Variants in BAHCC1 observed in about 807,000 individuals in gnomAD.
BAHCC1 encodes BAH and coiled-coil domain-containing protein 1.
A neutral mutation model predicts 88.2 loss-of-function variants in BAHCC1; 43 were observed. That is an observed-to-expected ratio of 0.49 (90% confidence interval 0.38 to 0.63). The LOEUF (loss-of-function observed/expected upper bound fraction) is 0.63. BAHCC1 is among the 20% of genes least tolerant of loss of function. The pLI is 0.00. For missense variants in BAHCC1, 3,023 were observed against 1,654.8 expected (o/e 1.83, Z -14.34); for synonymous variants, 1,510 against 745.5 (o/e 2.03, Z -16.71).
In BAHCC1 at chr17:81,427,097, C is replaced by T. The variant is rs952466728; in HGVS notation, c.358+118C>T. 1,784 of 398,294 alleles carry T rather than the reference C, an allele frequency of 4.5e-3. 6 individuals carry two copies. The highest frequency in any genetic ancestry group is 8.3e-3 in the South Asian group (64 of 7,756). The allele number at this position is 398,294 out of a possible 1,614,324, so 24.7% of individuals were successfully genotyped here. A position where few individuals can be genotyped will look rare whatever the true frequency, so the allele number is the denominator to read the frequency against. ...TGGCCGTGGGAACCTGGCCGGTGGACGGTGACAAGCAGGCTCGGGTGAGGC... is the reference window on the plus strand; with the variant it reads ...TGGCCGTGGGAACCTGGCCGGTGGATGGTGACAAGCAGGCTCGGGTGAGGC... On this transcript the variant is annotated intron_variant, in intron 3 of 27. Transcript: ENST00000675386.
intron 11 of BAHCC1, among the ~76,000 whole-genome samples, chr17:81,450,473 TC>T (rs781924735): frequency 6.6e-6 from 1 of 152,152 alleles, no homozygotes; most frequent in Non-Finnish European, 1.5e-5. Context: ...CTGCCGCTGT[TC>T]CTGCGGTCAC....
At chr17:81,452,619 T>C in intron 13 of BAHCC1, 104 bp from the exon 14 acceptor site, 1 of 561,424 alleles carries the variant, frequency 1.8e-6, no homozygotes, top group South Asian at 2.3e-5. Context: ...GGCCGCATCT[T>C]TCCCCACACC....
At chr17:81,428,322 T>G (rs1418495091) in intron 3 of BAHCC1, among the ~76,000 whole-genome samples, 1 of 152,174 alleles carries the variant, frequency 6.6e-6, no homozygotes, top group African/African-American at 2.4e-5. Context: ...AGCATCTGGC[T>G]CCCAGGATGT....
At chr17:81,451,388 G>A (rs1183492418) in intron 11 of BAHCC1, among the ~76,000 whole-genome samples, 3 of 152,190 alleles carry the variant, frequency 2.0e-5, no homozygotes, top group Admixed American at 6.5e-5. Context: ...CTTTTACTTC[G>A]ATGCTTTGGG....
At chr17:81,422,983 A>G (rs1450259034) in intron 2 of BAHCC1, 11 of 290,550 alleles carry the variant, frequency 3.8e-5, no homozygotes, top group Non-Finnish European at 7.4e-5. Flanking sequence ...CCCAACCCAG[A>G]GTCCCCTCCC....
At position 81,459,067 on chromosome 17, in the gene BAHCC1, C is replaced by T. The variant is rs1245712511; in HGVS notation, c.5619C>T (p.Ala1873=). 2 of 765,832 alleles carry T rather than the reference C, an allele frequency of 2.6e-6. No individual in the cohort carries two copies. The highest frequency in any genetic ancestry group is 3.4e-5 in the African/African-American group (2 of 58,864). 47.4% of individuals were successfully genotyped at this position (765,832 alleles called of 1,614,324 possible). The stretch of plus-strand genomic sequence containing the variant: ...TTGTGCCCACAGCGCGCTCGTGTGC[C>T]ATCCACAAGGAGGACCTGCGGGACG... ...EQSAALARSC[A]IHKEDLRDGL... is the part of the protein sequence containing the mutation. The change falls in exon 21 of 28, where the codon GCC becomes GCT. Residue 1873 remains alanine, a synonymous_variant. Transcript: ENST00000675386.
At chr17:81,397,675 C>G (rs2063760443) in intron 1 of BAHCC1, among the ~76,000 whole-genome samples, 1 of 152,170 alleles carries the variant, frequency 6.6e-6, no homozygotes, top group Non-Finnish European at 1.5e-5. Context: ...CTCGCAGCCC[C>G]CTCGCCAGAG....
intron 4 of BAHCC1, among the ~76,000 whole-genome samples, chr17:81,441,586 C>T (rs1384339855): frequency 4.1e-5 from 6 of 146,416 alleles, no homozygotes; most frequent in Non-Finnish European, 7.4e-5. Context: ...GGCGTGAACC[C>T]GGGAGGTGGA....
chr17:81,426,864 C>G lies in BAHCC1; in HGVS notation c.243C>G (p.Ser81Arg). The G allele has an allele frequency of 2.5e-6, 1 of 399,720 alleles. No individual in the cohort carries two copies. Among genetic ancestry groups the G allele is most frequent in the Non-Finnish European group, 4.4e-6 (1 of 226,978 alleles). 24.8% of individuals were successfully genotyped at this position (399,720 alleles called of 1,614,324 possible). A position where few individuals can be genotyped will look rare whatever the true frequency, so the allele number is the denominator to read the frequency against. ...SSFMGSFLTS[S>R]LGSAASTHPS... ...TCATGGGCAGTTTCCTCACCAGCAGCCTGGGCTCGGCAGCCTCCACGCACC... is the reference window on the plus strand; with the variant it reads ...TCATGGGCAGTTTCCTCACCAGCAGGCTGGGCTCGGCAGCCTCCACGCACC... The change falls in exon 3 of 28, where the codon AGC (serine) becomes AGG (arginine). Residue 81 changes from serine to arginine, a missense_variant. Ser to Arg is a moderately radical substitution (Grantham distance 110, BLOSUM62 -1). Coordinates refer to ENST00000675386, the MANE Select transcript of BAHCC1 (RefSeq NM_001377448.1).
chr17:81,439,122 C>A (rs1973179), intron 4 of BAHCC1, among the ~76,000 whole-genome samples: 28,157 of 152,184 alleles, frequency 0.19, 2,865 homozygotes, highest in Non-Finnish European at 0.21. Flanking sequence ...CCCAGCAGAG[C>A]CGAGTCCTGG....
rs782579480 is a variant in BAHCC1, at chr17:81,445,055, C to T, written c.2712C>T (p.Tyr904=). 2.4e-5 allele frequency: 18 copies of T among 762,504 alleles called. No individual in the cohort carries two copies. Among genetic ancestry groups the T allele is most frequent in the South Asian group, 5.6e-5 (4 of 72,070 alleles). 47.2% of individuals were successfully genotyped at this position (762,504 alleles called of 1,614,324 possible). ...MDQASLWPPM[Y]GGRGPASHMQ... is the part of the protein sequence containing the mutation. ...AGGCGTCACTGTGGCCCCCCATGTA[C>T]GGGGGCCGGGGCCCCGCCTCTCACA... is the stretch of plus-strand genomic sequence containing the variant. The change falls in exon 9 of 28, where the codon TAC becomes TAT. Residue 904 remains tyrosine, a synonymous_variant. Coordinates refer to ENST00000675386, the MANE Select transcript of BAHCC1 (RefSeq NM_001377448.1).
chr17:81,444,279 T>C, intron 6 of BAHCC1, 102 bp from the exon 7 acceptor site: 9 of 610,866 alleles, frequency 1.5e-5, no homozygotes, highest in South Asian at 1.1e-4. Context: ...GCACCGTTGG[T>C]GGGGCTGAGC....
At position 81,411,042 on chromosome 17, in the gene BAHCC1, C is replaced by T; in HGVS notation, c.178+11125C>T. On this transcript the variant is annotated intron_variant, in intron 2 of 27. Coordinates refer to ENST00000675386, the MANE Select transcript of BAHCC1 (RefSeq NM_001377448.1). This position sits in a 1 kb window ranked among gnomAD's most constrained non-coding sequence, Gnocchi z 6.2. ...ATATGTCTGTGTGAAGGCCTGGGGC[C>T]CCCGTGCGCCTCCCCTCGGGCCTGA... 1 of 518,280 alleles carries T rather than the reference C, an allele frequency of 1.9e-6. No individual in the cohort carries two copies. The highest frequency in any genetic ancestry group is 3.9e-6 in the Non-Finnish European group (1 of 259,534). 32.1% of individuals were successfully genotyped at this position (518,280 alleles called of 1,614,324 possible).
At position 81,447,074 on chromosome 17, in the gene BAHCC1, G is replaced by T. The variant is rs782771881; in HGVS notation, c.3202G>T (p.Gly1068Cys). ...ATACCTGCGCCCCATGGCTGGCCTG[G>T]GCTTCTCCCTACCCTCAGACGTGCA... ...PGYLRPMAGL[G>C]FSLPSDVHSS... Residue 1068 changes from glycine to cysteine, a missense_variant, in exon 11 of 28, where the codon GGC (glycine) becomes TGC (cysteine). Coordinates refer to ENST00000675386, the MANE Select transcript of BAHCC1 (RefSeq NM_001377448.1). 4.2e-5 allele frequency: 33 copies of T among 779,330 alleles called. No homozygotes were observed. The South Asian group carries it at 4.4e-4, about 10-fold the overall frequency. The allele number at this position is 779,330 out of a possible 1,614,324, so 48.3% of individuals were successfully genotyped here.
intron 4 of BAHCC1, among the ~76,000 whole-genome samples, chr17:81,440,961 G>A (rs2064404387): frequency 6.6e-6 from 1 of 152,218 alleles, no homozygotes; most frequent in African/African-American, 2.4e-5. Context: ...CTCCTCTGGG[G>A]GCGCCAGGAG....
chr17:81,445,167 G>T lies in BAHCC1; in HGVS notation c.2824G>T (p.Ala942Ser), dbSNP rs201552173. Residue 942 changes from alanine (A) to serine (S), a missense_variant, in exon 9 of 28, where the codon GCC (alanine) becomes TCC (serine). Transcript: ENST00000675386. ...CTATGCTTTGCAGCAGCAGAGGGCC[G>T]CCCAGTTCCAGGTACCGCCCCTAGC... is the stretch of plus-strand genomic sequence containing the variant. ...ELYALQQQRA[A>S]QFQRKPEDQH... The T allele has an allele frequency of 3.9e-6, 3 of 769,220 alleles. No homozygotes were observed. Among genetic ancestry groups the T allele is most frequent in the Non-Finnish European group, 2.4e-6 (1 of 413,916 alleles). The allele number at this position is 769,220 out of a possible 1,614,324, so 47.6% of individuals were successfully genotyped here. A position where few individuals can be genotyped will look rare whatever the true frequency, so the allele number is the denominator to read the frequency against.
rs202183784 is a variant in BAHCC1, at chr17:81,398,036, G to C, written c.-206-1498G>C. Among the ~76,000 whole-genome samples, 11 of 152,328 alleles carry C rather than the reference G, an allele frequency of 7.2e-5. 1 individual carries two copies. The South Asian group carries it at 2.1e-3, about 29-fold the overall frequency. On this transcript the variant is annotated intron_variant, in intron 1 of 27. Transcript: ENST00000675386. ...ATATCGCAATTTAAAAAGGTATTCA[G>C]TAGATGGAAAACATCTTAATCGCTT...
chr17:81,458,084 A>C, intron 17 of BAHCC1, 81 bp from the exon 18 acceptor site: 2 of 690,448 alleles, frequency 2.9e-6, no homozygotes, highest in Admixed American at 4.2e-5. Context: ...GGTAACCAGG[A>C]GGGAGGACCG....
In BAHCC1 at chr17:81,435,534, C is replaced by T. The variant is rs1182388847; in HGVS notation, c.359-2836C>T. 4.3e-6 allele frequency: 2 copies of T among 469,694 alleles called. No individual in the cohort carries two copies. The highest frequency in any genetic ancestry group is 2.0e-5 in the African/African-American group (1 of 50,038). The allele number at this position is 469,694 out of a possible 1,614,324, so 29.1% of individuals were successfully genotyped here. On this transcript the variant is annotated intron_variant, in intron 3 of 27. Transcript: ENST00000675386. This position sits in a 1 kb window ranked among gnomAD's most constrained non-coding sequence, Gnocchi z 4.4. Reference sequence around the variant, plus strand: ...TTGTCTGTTGGGGTGATCATAAAAGCTCCCGTCTCAAAGGGGTCTGGGAAG... The same window carrying T: ...TTGTCTGTTGGGGTGATCATAAAAGTTCCCGTCTCAAAGGGGTCTGGGAAG...
Sources: allele counts gnomAD v4.1 joint callset (sites outside exome capture counted in the v4.1 genomes callset), GRCh38; gene constraint gnomAD v4.1.1; non-coding constraint Gnocchi (gnomAD v3.1); transcripts MANE v1.5; gene names NCBI Gene and HGNC (gene_info 2026-07-23, HGNC 2026-07-21).